DPP4: variants seen among roughly 807,000 people sequenced by gnomAD.
The protein encoded by DPP4 is ADCP-2.
In DPP4, 93 loss-of-function variants were observed where a neutral mutation model predicts 122.4. That is an observed-to-expected ratio of 0.76 (90% CI 0.64 to 0.90). The LOEUF is 0.90. DPP4 is among the 40% of genes least tolerant of loss of function. DPP4 has a pLI of 0.00. For missense variants in DPP4, 914 were observed against 907.3 expected, an observed-to-expected ratio of 1.01 and a Z score of -0.09; for synonymous variants, 321 against 302.9, an observed-to-expected ratio of 1.06 and a Z score of -0.62.
chr2:162,072,842 A>G (rs1685164936), intron 2 of DPP4, among the ~76,000 whole-genome samples: 1 of 152,178 alleles, frequency 6.6e-6, no homozygotes, highest in Non-Finnish European at 1.5e-5. Context: ...GCTCTGCAAT[A>G]CTGCTAAATT....
At position 162,011,785 on chromosome 2, in the gene DPP4, T is replaced by A. The variant is rs779860764; in HGVS notation, c.1832+8A>T. 2 of 1,612,658 alleles carry A rather than the reference T, an allele frequency of 1.2e-6. No individual in the cohort carries two copies. The highest frequency in any genetic ancestry group is 2.2e-5 in the South Asian group (2 of 90,974). On this transcript the variant is annotated splice_region_variant and intron_variant, in intron 20 of 25. Transcript: ENST00000360534. ...GATGACCTTTGACTTCATCTCCTAG[T>A]CACTCACCTGGCTGCTTCAATTTGA...
In DPP4 at chr2:162,014,435, T is replaced by C. The variant is rs886511530; in HGVS notation, c.1598A>G (p.His533Arg). ...KFWYQMILPP[H>R]FDKSKKYPLL... ...AGGATATTTCTTGGATTTATCAAAATGAGGAGGCAAGATCATCTGATACCA... is the reference window on the plus strand; with the variant it reads ...AGGATATTTCTTGGATTTATCAAAACGAGGAGGCAAGATCATCTGATACCA... The change falls in exon 19 of 26, where the codon CAT becomes CGT. Residue 533 changes from histidine (H) to arginine (R), a missense_variant. By Grantham distance (29) the His-to-Arg change is conservative. Coordinates refer to ENST00000360534, the MANE Select transcript of DPP4 (RefSeq NM_001935.4). 3 of 1,608,900 alleles carry C rather than the reference T, an allele frequency of 1.9e-6. No individual in the cohort carries two copies. Among genetic ancestry groups the C allele is most frequent in the Non-Finnish European group, 2.5e-6 (3 of 1,177,704 alleles).
chr2:162,025,822 G>T (rs572778971), intron 10 of DPP4, among the ~76,000 whole-genome samples: 19 of 152,082 alleles, frequency 1.2e-4, no homozygotes, highest in Non-Finnish European at 2.4e-4. Context: ...TTCCAAATGA[G>T]TGTGTTCATC....
chr2:162,036,845 T>C (rs1683793274), intron 8 of DPP4, among the ~76,000 whole-genome samples: 1 of 152,204 alleles, frequency 6.6e-6, no homozygotes, highest in African/African-American at 2.4e-5. Flanking sequence ...CCAGCCCTTA[T>C]GACTCCAAGT....
chr2:162,016,959 C>T (rs769297118), intron 17 of DPP4, 93 bp from the exon 18 acceptor site: 20 of 1,410,460 alleles, frequency 1.4e-5, no homozygotes, highest in African/African-American at 7.1e-5. Context: ...ATTCACTGAT[C>T]GGACTACACA....
At chr2:162,058,511 A>G (rs1471267069) in intron 2 of DPP4, among the ~76,000 whole-genome samples, 1 of 152,242 alleles carries the variant, frequency 6.6e-6, no homozygotes, top group Non-Finnish European at 1.5e-5. Context: ...TGTCTGGAGT[A>G]TGTTTTCCAA....
At position 162,055,755 on chromosome 2, in the gene DPP4, G is replaced by A. The variant is rs556308691; in HGVS notation, c.95-8254C>T. Among the ~76,000 whole-genome samples the A allele has an allele frequency of 5.3e-5, 8 of 152,140 alleles. No homozygotes were observed. The East Asian group carries it at 1.5e-3, about 29-fold the overall frequency. On this transcript the variant is annotated intron_variant, in intron 2 of 25. Transcript: ENST00000360534. ...ATCTAGCTGGAGGCTGTAGAATGTTGGGACTGCCAGGTGACCAAACTTTGG... is the reference window on the plus strand; with the variant it reads ...ATCTAGCTGGAGGCTGTAGAATGTTAGGACTGCCAGGTGACCAAACTTTGG...
chr2:162,028,056 T>C (rs1683399733), intron 10 of DPP4, among the ~76,000 whole-genome samples: 2 of 145,874 alleles, frequency 1.4e-5, no homozygotes, highest in Admixed American at 1.3e-4. Flanking sequence ...AAAGAATCAT[T>C]TAAAAAAAAA....
chr2:162,007,490 T>C (rs1576035902), intron 22 of DPP4, among the ~76,000 whole-genome samples: 1 of 152,250 alleles, frequency 6.6e-6, no homozygotes, highest in Non-Finnish European at 1.5e-5. Context: ...ATTCCTTTTG[T>C]CCCATCTTTG....
chr2:162,060,547 A>C (rs1204915111), intron 2 of DPP4, among the ~76,000 whole-genome samples: 1 of 152,226 alleles, frequency 6.6e-6, no homozygotes, highest in Non-Finnish European at 1.5e-5. Context: ...CTAGATTTTA[A>C]ATATTATACA....
At chr2:162,055,396 C>A (rs551142489) in intron 2 of DPP4, among the ~76,000 whole-genome samples, 1 of 152,248 alleles carries the variant, frequency 6.6e-6, no homozygotes, top group Admixed American at 6.5e-5. Context: ...ACCTTGTCAA[C>A]AATAGAACAC....
At chr2:162,056,657 G>A (rs1446425177) in intron 2 of DPP4, among the ~76,000 whole-genome samples, 2 of 152,168 alleles carry the variant, frequency 1.3e-5, no homozygotes, top group Non-Finnish European at 2.9e-5. Context: ...CAGCAAGGAT[G>A]GTAATAGTCC....
chr2:162,012,707 T>C (rs1224750851), intron 19 of DPP4, among the ~76,000 whole-genome samples: 1 of 152,008 alleles, frequency 6.6e-6, no homozygotes, highest in Non-Finnish European at 1.5e-5. Context: ...TCATTTCTGC[T>C]TGTTAATCAA....
At chr2:162,033,866 A>G (rs866431545) in intron 9 of DPP4, among the ~76,000 whole-genome samples, 264 of 118,098 alleles carry the variant, frequency 2.2e-3, no homozygotes, top group African/African-American at 0.012. Context: ...ATATGTGTAT[A>G]TATATATATA....
intron 2 of DPP4, among the ~76,000 whole-genome samples, chr2:162,065,795 T>A (rs1288179499): frequency 1.3e-5 from 2 of 152,226 alleles, no homozygotes; most frequent in African/African-American, 4.8e-5. Flanking sequence ...CATAGCACTT[T>A]GATCATTTAC....
At chr2:162,039,237 A>G in intron 5 of DPP4, 53 bp from the exon 6 acceptor site, 1 of 1,509,134 alleles carries the variant, frequency 6.6e-7, no homozygotes, top group South Asian at 1.1e-5. Flanking sequence ...TAATTTGGCC[A>G]CTCACTATAG....
At chr2:162,037,523 A>AT (rs1301486422) in intron 8 of DPP4, among the ~76,000 whole-genome samples, 1 of 152,188 alleles carries the variant, frequency 6.6e-6, no homozygotes, top group Non-Finnish European at 1.5e-5. Context: ...AAGAAAAATT[A>AT]TTTTTTTAAA....
At position 162,073,409 on chromosome 2, in the gene DPP4, C is replaced by G; in HGVS notation, c.84G>C (p.Leu28=). 5 of 1,614,044 alleles carry G rather than the reference C, an allele frequency of 3.1e-6. No individual in the cohort carries two copies. The highest frequency in any genetic ancestry group is 4.2e-6 in the Non-Finnish European group (5 of 1,180,030). The change falls in exon 2 of 26, where the codon CTG becomes CTC. Residue 28 remains leucine, a synonymous_variant. Transcript: ENST00000360534. ...VTIITVPVVL[L]NKGTDDATAD... is the part of the protein sequence containing the mutation. ...ATGTTTCAAACTTACTGCCTTTGTT[C>G]AGCAGAACCACGGGCACGGTGATGA...
At position 162,004,643 on chromosome 2, in the gene DPP4, A is replaced by G. The variant is rs558024781; in HGVS notation, c.2052+1102T>C. Reference sequence around the variant, plus strand: ...CACCTTACTCATTAAGTAAGCTGAAAGTAATTGGTAAAACTAAATTGTCTA... The same window carrying G: ...CACCTTACTCATTAAGTAAGCTGAAGGTAATTGGTAAAACTAAATTGTCTA... On this transcript the variant is annotated intron_variant, in intron 23 of 25. Transcript: ENST00000360534. 4.2e-4 allele frequency among the ~76,000 whole-genome samples: 64 copies of G among 152,286 alleles called. 2 individuals are homozygous for G. Among genetic ancestry groups the G allele is most frequent in the African/African-American group, 1.5e-3 (63 of 41,568 alleles).
Sources: gnomAD v4.1 joint callset for allele counts (sites outside exome capture counted in the v4.1 genomes callset) on GRCh38, gnomAD v4.1.1 for gene constraint, MANE v1.5 for transcripts, NCBI Gene and HGNC (gene_info 2026-07-23, HGNC 2026-07-21) for gene names.